RALB: variants seen among roughly 807,000 people sequenced by gnomAD.
The protein encoded by RALB is RAS like proto-oncogene B.
Under a neutral mutation model 21.3 loss-of-function variants are expected in RALB, and 16 were observed. That is an observed-to-expected ratio of 0.75 (90% CI 0.51 to 1.14). The LOEUF (loss-of-function observed/expected upper bound fraction) is 1.14. Ranked by LOEUF, RALB falls within the 50% of genes most tolerant of loss-of-function variation. The pLI, the probability that RALB is intolerant of heterozygous loss-of-function variation, is 0.00. For synonymous variants in RALB, 93 were observed against 96.1 expected, an observed-to-expected ratio of 0.97 and a Z score of 0.19; for missense variants, 161 against 256.2, an observed-to-expected ratio of 0.63 and a Z score of 2.54.
rs200605317 is a variant in RALB at position 120,277,768 on chromosome 2, CGT to C, written c.-47-846_-47-845del. Among the ~76,000 whole-genome samples the C allele has an allele frequency of 5.0e-3, 737 of 147,356 alleles. 6 individuals carry two copies. The highest frequency in any genetic ancestry group is 0.017 in the African/African-American group (694 of 39,958). ...GTGTGAATGTGAGCATGTATGACAGCGTGTGCTAGCATGTGTGAGCCTGTGAT... is the reference window on the plus strand; with the variant it reads ...GTGTGAATGTGAGCATGTATGACAGCGTGCTAGCATGTGTGAGCCTGTGAT... On this transcript the variant is annotated intron_variant, in intron 1 of 4. Transcript: ENST00000272519.
At position 120,289,534 on chromosome 2, in the gene RALB, G is replaced by A. The variant is rs112188479; in HGVS notation, c.324-46G>A. On this transcript the variant is annotated intron_variant, in intron 3 of 4. Transcript: ENST00000272519. ...AGATGGGTTCACAAAACCAGGGTTC[G>A]TTCTTTAGTTTTTTTAGCTGCTGTA... 5.3e-4 allele frequency: 835 copies of A among 1,578,894 alleles called. No homozygotes were observed. In the African/African-American group the frequency reaches 9.5e-3, roughly 18 times the overall value.
chr2:120,278,634 CTG>C lies in RALB; in HGVS notation c.-25_-24del. 1 of 1,553,584 alleles carries C rather than the reference CTG, an allele frequency of 6.4e-7. No homozygotes were observed. Among genetic ancestry groups the C allele is most frequent in the Non-Finnish European group, 8.7e-7 (1 of 1,148,836 alleles). The stretch of plus-strand genomic sequence containing the variant: ...CATCAGCAGCTCTTCAGTGGGTCAT[CTG>C]TGTGTCACAGCCTCAGAAGACCAGC... On this transcript the variant is annotated 5_prime_UTR_variant, in exon 2 of 5. Coordinates refer to ENST00000272519, the MANE Select transcript of RALB (RefSeq NM_002881.3).
At chr2:120,267,521 T>G (rs1276434637) in intron 1 of RALB, among the ~76,000 whole-genome samples, 2 of 151,918 alleles carry the variant, frequency 1.3e-5, no homozygotes, top group Admixed American at 1.3e-4. Context: ...CAGGCCAGGG[T>G]CTGGGTATGA....
chr2:120,266,512 G>T (rs1689505689), intron 1 of RALB, among the ~76,000 whole-genome samples: 1 of 152,166 alleles, frequency 6.6e-6, no homozygotes, highest in African/African-American at 2.4e-5. Flanking sequence ...CTCCCAAAGT[G>T]CTGGGATTAC....
intron 4 of RALB, 137 bp from the exon 5 acceptor site, chr2:120,293,004 A>G (rs1422031334): frequency 4.6e-6 from 4 of 861,368 alleles, no homozygotes; most frequent in Non-Finnish European, 4.9e-6. Context: ...TTAAAATGTA[A>G]CTACATATCC....
chr2:120,258,008 T>G (rs1355385719), intron 1 of RALB, among the ~76,000 whole-genome samples: 1 of 152,230 alleles, frequency 6.6e-6, no homozygotes, highest in African/African-American at 2.4e-5. Context: ...TCATGTGCAT[T>G]GTTGTCTCCT....
intron 3 of RALB, among the ~76,000 whole-genome samples, chr2:120,287,233 G>A (rs961588945): frequency 6.6e-6 from 1 of 152,202 alleles, no homozygotes; most frequent in African/African-American, 2.4e-5. Flanking sequence ...GAGGCCTCGG[G>A]TGAGCACAGG....
intron 1 of RALB, among the ~76,000 whole-genome samples, chr2:120,254,353 A>G (rs530450889): frequency 5.3e-5 from 8 of 152,258 alleles, no homozygotes; most frequent in Admixed American, 3.3e-4. Flanking sequence ...CTTTATTCTG[A>G]CCACATCTGG....
chr2:120,264,272 C>T (rs1689443703), intron 1 of RALB, among the ~76,000 whole-genome samples: 2 of 152,174 alleles, frequency 1.3e-5, no homozygotes, highest in East Asian at 3.9e-4. Context: ...CTGCCTCAGC[C>T]TCTTGAATAG....
chr2:120,263,776 C>T lies in RALB; in HGVS notation c.-48+10796C>T, dbSNP rs551265836. 1.3e-4 allele frequency among the ~76,000 whole-genome samples: 19 copies of T among 151,898 alleles called. No individual in the cohort carries two copies. In the South Asian group the frequency reaches 2.1e-3, roughly 17 times the overall value. ...AACTCCTGAGCTCAAGCATTCCGCC[C>T]GCCTCAGCCTCCTAAAGTGCTGGGA... On this transcript the variant is annotated intron_variant, in intron 1 of 4. Coordinates refer to ENST00000272519, the MANE Select transcript of RALB (RefSeq NM_002881.3).
chr2:120,293,322 A>G lies in RALB; in HGVS notation c.*62A>G. The G allele has an allele frequency of 6.7e-7, 1 of 1,502,034 alleles. No homozygotes were observed. Among genetic ancestry groups the G allele is most frequent in the East Asian group, 2.5e-5 (1 of 39,772 alleles). The allele number at this position is 1,502,034 out of a possible 1,614,324, so 93.0% of individuals were successfully genotyped here. On this transcript the variant is annotated 3_prime_UTR_variant, in exon 5 of 5. Coordinates refer to ENST00000272519, the MANE Select transcript of RALB (RefSeq NM_002881.3). ...GACACAGGGCTGGGTTGGTAAAGAG[A>G]AGGCTATGGTTGACTTCTTGCTTGT...
At chr2:120,260,896 G>A (rs77392879) in intron 1 of RALB, among the ~76,000 whole-genome samples, 12,138 of 152,256 alleles carry the variant, frequency 0.08, 647 homozygotes, top group Non-Finnish European at 0.12. Context: ...AGCTTATATT[G>A]GGAGGAAGTT....
upstream of RALB, among the ~76,000 whole-genome samples, chr2:120,250,076 C>G (rs1443052515): frequency 6.6e-6 from 1 of 152,180 alleles, no homozygotes; most frequent in African/African-American, 2.4e-5. Context: ...TTTTGACCAC[C>G]CAGTCTAAAA....
intron 1 of RALB, among the ~76,000 whole-genome samples, chr2:120,260,081 C>A (rs1689321722): frequency 6.6e-6 from 1 of 152,232 alleles, no homozygotes; most frequent in African/African-American, 2.4e-5. Context: ...ACCCGGAACT[C>A]CAGCTGGCCC....
chr2:120,250,089 A>G (rs1436963797), upstream of RALB, among the ~76,000 whole-genome samples: 4 of 152,222 alleles, frequency 2.6e-5, no homozygotes, highest in Admixed American at 1.3e-4. Context: ...GTCTAAAATA[A>G]TTTGTAATGA....
upstream of RALB, chr2:120,252,747 C>T: frequency 2.0e-6 from 2 of 980,224 alleles, no homozygotes; most frequent in South Asian, 9.4e-5. Flanking sequence ...GCTGACAGCC[C>T]CCCGACGGGC....
chr2:120,241,403 C>A (rs1237427309), intron 1 of RALB, among the ~76,000 whole-genome samples: 6 of 152,172 alleles, frequency 3.9e-5, no homozygotes, highest in Admixed American at 3.9e-4. Flanking sequence ...GAAACAGCCT[C>A]CTCACACCCT....
intron 1 of RALB, chr2:120,240,218 C>T (rs1688869460): frequency 8.2e-7 from 1 of 1,215,792 alleles, no homozygotes; most frequent in Non-Finnish European, 1.1e-6. Flanking sequence ...AAAGGAAGCT[C>T]AGAGAGGTAA....
At chr2:120,288,214 T>C (rs564159273) in intron 3 of RALB, among the ~76,000 whole-genome samples, 2 of 152,332 alleles carry the variant, frequency 1.3e-5, no homozygotes, top group South Asian at 4.1e-4. Context: ...ATCATGTTCT[T>C]TGACCCCAGT....
Sources: gnomAD v4.1 joint callset for allele counts (sites outside exome capture counted in the v4.1 genomes callset) on GRCh38, gnomAD v4.1.1 for gene constraint, MANE v1.5 for transcripts, NCBI Gene and HGNC (gene_info 2026-07-23, HGNC 2026-07-21) for gene names.